Variants in IL31RA observed in about 807,000 individuals in gnomAD.
The protein encoded by IL31RA is interleukin-31 receptor subunit alpha.
IL31RA carries 66 observed loss-of-function variants against 83.7 expected under a neutral mutation model. The observed-to-expected ratio is 0.79, with a 90% CI of 0.65 to 0.97. IL31RA has a LOEUF of 0.97. IL31RA is among the 50% of genes least tolerant of loss of function. The pLI is 0.00. For synonymous variants in IL31RA, 325 were observed against 329.0 expected, an observed-to-expected ratio of 0.99 and a Z score of 0.13; for missense variants, 798 against 919.4, an observed-to-expected ratio of 0.87 and a Z score of 1.71.
chr5:55,886,015 C>T (rs1016055804), intron 5 of IL31RA, among the ~76,000 whole-genome samples: 3 of 152,116 alleles, frequency 2.0e-5, no homozygotes, highest in Admixed American at 2.0e-4. Flanking sequence ...AAACCAGGAC[C>T]AGAGTCCCTC....
In IL31RA at chr5:55,878,932, G is replaced by A. The variant is rs2112416820; in HGVS notation, c.455-4112G>A. On this transcript the variant is annotated intron_variant, in intron 4 of 14. Coordinates refer to ENST00000652347, the MANE Select transcript of IL31RA (RefSeq NM_139017.7). Reference sequence around the variant, plus strand: ...CTTTCAAAGTGTTGGGATTACAGGTGTGAGCCACTATGCCCGGCCACAGCT... The same window carrying A: ...CTTTCAAAGTGTTGGGATTACAGGTATGAGCCACTATGCCCGGCCACAGCT... Among the ~76,000 whole-genome samples, 2 of 152,212 alleles carry A rather than the reference G, an allele frequency of 1.3e-5. 1 individual carries two copies.
intron 2 of IL31RA, among the ~76,000 whole-genome samples, chr5:55,861,793 A>G (rs1242512479): frequency 6.6e-6 from 1 of 152,174 alleles, no homozygotes; most frequent in African/African-American, 2.4e-5. Flanking sequence ...TATGTTGTAC[A>G]TATACCAGCT....
intron 6 of IL31RA, among the ~76,000 whole-genome samples, chr5:55,891,325 T>C (rs1412871318): frequency 1.3e-5 from 2 of 152,244 alleles, no homozygotes; most frequent in African/African-American, 4.8e-5. Context: ...CAGTTTTCTA[T>C]TGCTGCTGTA....
upstream of IL31RA, among the ~76,000 whole-genome samples, chr5:55,848,066 T>C (rs904321090): frequency 5.3e-5 from 8 of 152,218 alleles, no homozygotes; most frequent in Admixed American, 5.2e-4. Context: ...CTGGTGATGC[T>C]AACTTTCATT....
intron 3 of IL31RA, among the ~76,000 whole-genome samples, chr5:55,871,565 T>C: frequency 6.6e-6 from 1 of 152,268 alleles, no homozygotes; most frequent in South Asian, 2.1e-4. Flanking sequence ...GTTTTAAAGA[T>C]TTTTCTGAAA....
At chr5:55,898,661 A>C (rs1430635800) in intron 7 of IL31RA, among the ~76,000 whole-genome samples, 1 of 68,364 alleles carries the variant, frequency 1.5e-5, no homozygotes, top group Non-Finnish European at 2.7e-5. Context: ...TAAATAACAT[A>C]TTAATATGTT....
upstream of IL31RA, among the ~76,000 whole-genome samples, chr5:55,847,237 AAAAATAAAAATAAAT>A (rs1172308889): frequency 3.3e-5 from 1 of 30,142 alleles, no homozygotes; most frequent in African/African-American, 7.5e-5. Context: ...AAAAAAAAAA[AAAAATAAAAATAAAT>A]AAATAAATAA....
the IL31RA span, among the ~76,000 whole-genome samples, chr5:55,844,315 C>T: frequency 2.2e-4 from 33 of 152,224 alleles, no homozygotes; most frequent in Middle Eastern, 3.4e-3. Flanking sequence ...TGCCGGTAGA[C>T]CTGCCTTGCA....
At chr5:55,849,994 G>A (rs1745015561), upstream of IL31RA, among the ~76,000 whole-genome samples, 1 of 152,202 alleles carries the variant, frequency 6.6e-6, no homozygotes, top group Non-Finnish European at 1.5e-5. Flanking sequence ...ATTTGGATGG[G>A]TAGAGCATCC....
Position 55,851,495 on chromosome 5 carries a change from A to G in IL31RA, c.-76A>G, listed in dbSNP as rs527791039. 165 of 1,613,744 alleles carry G rather than the reference A, an allele frequency of 1.0e-4. No homozygotes were observed. The African/African-American group carries it at 2.0e-3, about 19-fold the overall frequency. On this transcript the variant is annotated 5_prime_UTR_variant, in exon 1 of 15. The change abolishes an upstream ATG in the 5' untranslated region. Coordinates refer to ENST00000652347, the MANE Select transcript of IL31RA (RefSeq NM_139017.7). ...TAACCAGCATGGCACTAAATAGACC[A>G]TGAAAAGACATGTGTGTGCAGTATG...
chr5:55,867,157 T>TTG (rs563106139), intron 2 of IL31RA, among the ~76,000 whole-genome samples: 104 of 55,112 alleles, frequency 1.9e-3, no homozygotes, highest in African/African-American at 4.8e-3. Context: ...GCATGTGTGT[T>TTG]TGTGTGTGTG....
At chr5:55,864,983 T>C (rs960144517) in intron 2 of IL31RA, among the ~76,000 whole-genome samples, 8 of 152,052 alleles carry the variant, frequency 5.3e-5, no homozygotes, top group African/African-American at 1.9e-4. Context: ...AGTGGGACAG[T>C]GTGTGAGTTA....
chr5:55,922,248 G>C lies in IL31RA; in HGVS notation c.*5128G>C, dbSNP rs1359310157. On this transcript the variant is annotated 3_prime_UTR_variant, in exon 15 of 15. Coordinates refer to ENST00000652347, the MANE Select transcript of IL31RA (RefSeq NM_139017.7). ...TATGCAGGGCTGTGCTGCCCAAGAC[G>C]CTTGTCGTGTGCTGATGAAAAGGGC... 2.8e-6 allele frequency: 2 copies of C among 713,104 alleles called. No individual in the cohort carries two copies. Among genetic ancestry groups the C allele is most frequent in the Non-Finnish European group, 5.1e-6 (2 of 391,906 alleles). 44.2% of individuals were successfully genotyped at this position (713,104 alleles called of 1,614,324 possible).
chr5:55,846,012 T>C, the IL31RA span, among the ~76,000 whole-genome samples: 111 of 152,306 alleles, frequency 7.3e-4, no homozygotes, highest in South Asian at 1.7e-3. Context: ...TTTTGACTCT[T>C]ATACTTGTCC....
Position 55,922,061 on chromosome 5 carries a change from G to GT in IL31RA, c.*4941_*4942insT, listed in dbSNP as rs1554020967. Among the ~76,000 whole-genome samples the GT allele has an allele frequency of 7.5e-6, 1 of 133,784 alleles. No homozygotes were observed. Among genetic ancestry groups the GT allele is most frequent in the East Asian group, 2.0e-4 (1 of 5,046 alleles). The allele number at this position is 133,784 out of a possible 152,430, so 87.8% of individuals were successfully genotyped here. On this transcript the variant is annotated 3_prime_UTR_variant, in exon 15 of 15. Coordinates refer to ENST00000652347, the MANE Select transcript of IL31RA (RefSeq NM_139017.7). ...TGCACTCTTATGTTGTGGCGGGGGG[G>GT]GGGGGCGGTTCCTGAAGAGTGGAGT...
Position 55,916,888 on chromosome 5 carries a change from A to C in IL31RA, c.2063A>C (p.Glu688Ala), listed in dbSNP as rs1277859663. The change falls in exon 15 of 15, where the codon GAG (glutamate) becomes GCG (alanine). Residue 688 changes from glutamate (E) to alanine (A), a missense_variant. Physicochemically the swap from Glu to Ala is moderately radical, Grantham distance 107. Coordinates refer to ENST00000652347, the MANE Select transcript of IL31RA (RefSeq NM_139017.7). ...TGTCCCCTGGGGAAAAGTTTTGAGG[A>C]GCTCCCAGTTTCACCTGAGATTCCG... ...PDCPLGKSFEELPVSPEIPPR... is the reference protein window; with the variant it reads ...PDCPLGKSFEALPVSPEIPPR... The C allele has an allele frequency of 3.1e-6, 5 of 1,614,000 alleles. No homozygotes were observed. The highest frequency in any genetic ancestry group is 1.3e-5 in the African/African-American group (1 of 74,908).
At position 55,922,260 on chromosome 5, in the gene IL31RA, CT is replaced by C. The variant is rs1160768288; in HGVS notation, c.*5141del. 3 of 735,848 alleles carry C rather than the reference CT, an allele frequency of 4.1e-6. No individual in the cohort carries two copies. In the East Asian group the frequency reaches 8.1e-5, roughly 20 times the overall value. The allele number at this position is 735,848 out of a possible 1,614,324, so 45.6% of individuals were successfully genotyped here. On this transcript the variant is annotated 3_prime_UTR_variant, in exon 15 of 15. Transcript: ENST00000652347. ...TGCTGCCCAAGACGCTTGTCGTGTGCTGATGAAAAGGGCTGGGGAGAAGCAA... is the reference window on the plus strand; with the variant it reads ...TGCTGCCCAAGACGCTTGTCGTGTGCGATGAAAAGGGCTGGGGAGAAGCAA...
chr5:55,881,970 C>T (rs929818075), intron 4 of IL31RA, among the ~76,000 whole-genome samples: 1 of 152,122 alleles, frequency 6.6e-6, no homozygotes, highest in African/African-American at 2.4e-5. Context: ...CTCAGCCTCC[C>T]AAAGTGCTGG....
chr5:55,853,615 T>C, intron 1 of IL31RA: 3 of 1,540,452 alleles, frequency 1.9e-6, no homozygotes, highest in Non-Finnish European at 2.6e-6. Context: ...CATCTTTTTC[T>C]ACTTTATAAA....
Sources: gnomAD v4.1 joint callset for allele counts (sites outside exome capture counted in the v4.1 genomes callset) on GRCh38, gnomAD v4.1.1 for gene constraint, MANE v1.5 for transcripts, NCBI Gene and HGNC (gene_info 2026-07-23, HGNC 2026-07-21) for gene names.